The following RASEF variants were observed in gnomAD, a reference collection of about 807,000 sequenced individuals.
RASEF encodes the protein ras and EF-hand domain-containing protein.
Under a neutral mutation model 90.1 loss-of-function variants are expected in RASEF, and 68 were observed. That is an observed-to-expected ratio of 0.75 (90% confidence interval 0.62 to 0.92). The LOEUF (loss-of-function observed/expected upper bound fraction) is 0.92, where lower values mean the gene tolerates loss of function less well. Among genes scored for constraint, RASEF ranks in the 40% least tolerant of loss-of-function variants. The pLI is 0.00. For missense variants in RASEF, 949 were observed against 937.2 expected, an observed-to-expected ratio of 1.01 and a Z score of -0.16; for synonymous variants, 331 against 345.2, an observed-to-expected ratio of 0.96 and a Z score of 0.46.
intron 10 of RASEF, 50 bp downstream of exon 10, chr9:83,000,846 G>T: frequency 6.9e-7 from 1 of 1,455,758 alleles, no homozygotes; most frequent in South Asian, 1.2e-5. Context: ...TAAGGTGACA[G>T]ATTTCAATCA....
chr9:83,070,345 A>C, the RASEF span, among the ~76,000 whole-genome samples: 1 of 152,074 alleles, frequency 6.6e-6, no homozygotes, highest in Non-Finnish European at 1.5e-5. Flanking sequence ...CTCTGTATGG[A>C]TATTCAGTTC....
the RASEF span, among the ~76,000 whole-genome samples, chr9:83,147,028 G>GTATATATA: frequency 4.7e-3 from 146 of 31,234 alleles, 1 homozygote; most frequent in Non-Finnish European, 6.6e-3. Flanking sequence ...GTGTGTGTGT[G>GTATATATA]TATATATATA....
At chr9:83,041,224 T>C (rs1277849422) in intron 1 of RASEF, among the ~76,000 whole-genome samples, 3 of 152,250 alleles carry the variant, frequency 2.0e-5, no homozygotes, top group Non-Finnish European at 4.4e-5. Context: ...TTAATGTAAT[T>C]AAGCATGAAA....
the RASEF span, among the ~76,000 whole-genome samples, chr9:83,107,163 G>A: frequency 6.6e-6 from 1 of 152,176 alleles, no homozygotes; most frequent in Non-Finnish European, 1.5e-5. Flanking sequence ...ACTTCATGGA[G>A]AATGTTAAAG....
the RASEF span, among the ~76,000 whole-genome samples, chr9:83,104,097 C>T: frequency 1.3e-5 from 2 of 152,176 alleles, no homozygotes; most frequent in Non-Finnish European, 2.9e-5. Flanking sequence ...CAAACACAGC[C>T]TCAGAAATCT....
At chr9:83,140,378 T>C in the RASEF span, among the ~76,000 whole-genome samples, 2 of 152,210 alleles carry the variant, frequency 1.3e-5, no homozygotes, top group Non-Finnish European at 1.5e-5. Flanking sequence ...AAGTCTTTAG[T>C]CATAACTACA....
chr9:82,984,822 G>C (rs1169179504), intron 16 of RASEF, among the ~76,000 whole-genome samples: 1 of 152,182 alleles, frequency 6.6e-6, no homozygotes, highest in East Asian at 1.9e-4. Flanking sequence ...ACTTATGCCA[G>C]GCTCTGGGAC....
the RASEF span, among the ~76,000 whole-genome samples, chr9:83,102,233 C>T: frequency 2.9e-3 from 444 of 152,252 alleles, 2 homozygotes; most frequent in Middle Eastern, 0.017. Context: ...CCCGCCACCA[C>T]GCCCAGCTAA....
At chr9:83,024,423 ATGTGTACCTATG>A (rs1829502377) in intron 2 of RASEF, among the ~76,000 whole-genome samples, 2 of 152,068 alleles carry the variant, frequency 1.3e-5, no homozygotes, top group East Asian at 3.9e-4. Flanking sequence ...GGGTCTGTGT[ATGTGTACCTATG>A]TGTGTACCTA....
chr9:83,118,269 T>TA, the RASEF span, among the ~76,000 whole-genome samples: 22 of 147,274 alleles, frequency 1.5e-4, no homozygotes, highest in South Asian at 4.3e-4. Flanking sequence ...GCTGAAAGTT[T>TA]AAAAAAAAAA....
At chr9:83,043,639 A>G (rs1204534506) in intron 1 of RASEF, among the ~76,000 whole-genome samples, 1 of 152,234 alleles carries the variant, frequency 6.6e-6, no homozygotes, top group African/African-American at 2.4e-5. Flanking sequence ...CAAAATTCAG[A>G]TATCAAATAA....
intron 1 of RASEF, among the ~76,000 whole-genome samples, chr9:83,043,684 C>A (rs534665771): frequency 1.3e-5 from 2 of 152,218 alleles, no homozygotes; most frequent in East Asian, 3.9e-4. Flanking sequence ...TTGAAGTCAG[C>A]GAAGTTTATC....
intron 14 of RASEF, 46 bp from the exon 15 acceptor site, chr9:82,993,071 A>C (rs1478176637): frequency 6.3e-7 from 1 of 1,595,142 alleles, no homozygotes; most frequent in Non-Finnish European, 8.5e-7. Context: ...AACACTGGAC[A>C]CATTACGATG....
the RASEF span, among the ~76,000 whole-genome samples, chr9:83,143,823 A>C: frequency 6.6e-6 from 1 of 152,230 alleles, no homozygotes; most frequent in African/African-American, 2.4e-5. Flanking sequence ...ACCAAAGGAA[A>C]GTAGATCATT....
chr9:83,141,584 G>T, the RASEF span, among the ~76,000 whole-genome samples: 1 of 152,198 alleles, frequency 6.6e-6, no homozygotes, highest in African/African-American at 2.4e-5. Context: ...AACTATGGGA[G>T]TCTGAGGCGT....
chr9:83,162,719 A>G, the RASEF span, among the ~76,000 whole-genome samples: 5 of 152,334 alleles, frequency 3.3e-5, no homozygotes, highest in African/African-American at 9.6e-5. Context: ...AAGTATAGAG[A>G]GTCCCAGCTT....
At chr9:83,075,986 A>G in the RASEF span, among the ~76,000 whole-genome samples, 1 of 151,900 alleles carries the variant, frequency 6.6e-6, no homozygotes, top group Non-Finnish European at 1.5e-5. Context: ...TGGCCACCAC[A>G]GTGAAACCCC....
the RASEF span, among the ~76,000 whole-genome samples, chr9:83,085,753 C>A: frequency 6.6e-6 from 1 of 151,896 alleles, no homozygotes; most frequent in Admixed American, 6.6e-5. Flanking sequence ...AGTGAAATCC[C>A]ATCTGTACTA....
chr9:83,188,081 T>C, the RASEF span, among the ~76,000 whole-genome samples: 1 of 152,206 alleles, frequency 6.6e-6, no homozygotes, highest in Non-Finnish European at 1.5e-5. Flanking sequence ...TAATGGTTAT[T>C]AATATTATTA....
Sources: allele counts gnomAD v4.1 joint callset (sites outside exome capture counted in the v4.1 genomes callset), GRCh38; gene constraint gnomAD v4.1.1; transcripts MANE v1.5; gene names NCBI Gene and HGNC (gene_info 2026-07-23, HGNC 2026-07-21).